CORO2B: variants seen among roughly 807,000 people sequenced by gnomAD.
The protein encoded by CORO2B is coronin-2B.
In CORO2B, 26 loss-of-function variants were observed where a neutral mutation model predicts 58.8. That is an observed-to-expected ratio of 0.44 (90% CI 0.32 to 0.61). The LOEUF is 0.61. Ranked by LOEUF, CORO2B falls within the 20% of genes least tolerant of loss-of-function variation. CORO2B has a pLI of 0.04. For missense variants in CORO2B, 460 were observed against 645.1 expected (o/e 0.71, Z 3.11); for synonymous variants, 242 against 253.8 (o/e 0.95, Z 0.44).
the CORO2B span, among the ~76,000 whole-genome samples, chr15:68,545,443 TG>T: frequency 1.3e-5 from 2 of 152,108 alleles, no homozygotes; most frequent in African/African-American, 4.8e-5. Context: ...TGAATTGAGT[TG>T]TGTGTTGTGT....
intron 8 of CORO2B, among the ~76,000 whole-genome samples, chr15:68,717,951 G>C (rs1020256489): frequency 1.3e-5 from 2 of 152,140 alleles, no homozygotes; most frequent in African/African-American, 2.4e-5. Flanking sequence ...TGTCCTCCTC[G>C]AACCAGCCAA....
chr15:68,679,763 C>T lies in CORO2B; in HGVS notation c.217-15377C>T, dbSNP rs1304177335. 2.6e-5 allele frequency among the ~76,000 whole-genome samples: 4 copies of T among 152,218 alleles called. No homozygotes were observed. The East Asian group carries it at 7.7e-4, about 29-fold the overall frequency. ...GCCCCTGAGGATCAACCAACCTCCA[C>T]AGATGCAGCAGAGAGAAAGCTTGGG... On this transcript the variant is annotated intron_variant, in intron 2 of 11. Transcript: ENST00000261861.
intron 5 of CORO2B, among the ~76,000 whole-genome samples, chr15:68,712,418 A>C (rs1315888452): frequency 6.6e-6 from 1 of 152,204 alleles, no homozygotes; most frequent in Non-Finnish European, 1.5e-5. Flanking sequence ...AAAAGACTCC[A>C]AATCCAAAAC....
At chr15:68,572,136 C>T in the CORO2B span, among the ~76,000 whole-genome samples, 1 of 152,194 alleles carries the variant, frequency 6.6e-6, no homozygotes, top group East Asian at 1.9e-4. Context: ...AGGCCCCACT[C>T]TTGCTCTCCA....
At chr15:68,523,620 A>T in the CORO2B span, among the ~76,000 whole-genome samples, 2 of 152,182 alleles carry the variant, frequency 1.3e-5, no homozygotes, top group Non-Finnish European at 2.9e-5. Context: ...AAAAATGCTA[A>T]CTGTCAGGTT....
the CORO2B span, among the ~76,000 whole-genome samples, chr15:68,572,633 A>C: frequency 1.3e-5 from 2 of 152,176 alleles, no homozygotes; most frequent in Non-Finnish European, 2.9e-5. Flanking sequence ...TTTCTGAATC[A>C]ATCTGCCTGG....
At chr15:68,584,379 G>A (rs1261298311) in intron 1 of CORO2B, among the ~76,000 whole-genome samples, 2 of 152,188 alleles carry the variant, frequency 1.3e-5, no homozygotes, top group African/African-American at 4.8e-5. Context: ...CTTAGAGGAA[G>A]CTGGGAAGGG....
At chr15:68,616,524 G>A in intron 1 of CORO2B, 1 of 985,370 alleles carries the variant, frequency 1.0e-6, no homozygotes, top group South Asian at 4.7e-5. Flanking sequence ...AAAGCAGGCA[G>A]CTGCCCTGGA....
intron 1 of CORO2B, among the ~76,000 whole-genome samples, chr15:68,638,157 T>C (rs982104317): frequency 1.3e-5 from 2 of 152,110 alleles, no homozygotes; most frequent in African/African-American, 4.8e-5. Flanking sequence ...CCAGCAGCTG[T>C]GCACATCTGG....
chr15:68,644,071 C>A (rs549275672), intron 1 of CORO2B, among the ~76,000 whole-genome samples: 19 of 152,158 alleles, frequency 1.2e-4, no homozygotes, highest in East Asian at 3.9e-4. Flanking sequence ...ACAAAAAAAA[C>A]CAACTACAAA....
intron 1 of CORO2B, among the ~76,000 whole-genome samples, chr15:68,599,361 C>T (rs1054337511): frequency 1.3e-5 from 2 of 152,208 alleles, no homozygotes; most frequent in African/African-American, 4.8e-5. Context: ...CGCCACAGAT[C>T]CCATTGGGTG....
chr15:68,537,077 C>T, the CORO2B span, among the ~76,000 whole-genome samples: 1 of 152,236 alleles, frequency 6.6e-6, no homozygotes, highest in East Asian at 1.9e-4. Flanking sequence ...CACTCACACA[C>T]AAGCCTAATC....
At chr15:68,534,685 TG>T in the CORO2B span, among the ~76,000 whole-genome samples, 1 of 148,234 alleles carries the variant, frequency 6.7e-6, no homozygotes, top group Non-Finnish European at 1.5e-5. Context: ...CAATGGGTTA[TG>T]TTACATGAGA....
intron 3 of CORO2B, among the ~76,000 whole-genome samples, chr15:68,707,253 A>C (rs1406451580): frequency 6.6e-6 from 1 of 152,222 alleles, no homozygotes; most frequent in East Asian, 1.9e-4. Context: ...CAGATGGGTA[A>C]AAATCCAGTT....
At chr15:68,701,940 A>G (rs1021998102) in intron 3 of CORO2B, among the ~76,000 whole-genome samples, 12 of 151,908 alleles carry the variant, frequency 7.9e-5, no homozygotes, top group Non-Finnish European at 1.6e-4. Flanking sequence ...TGAGGGCCCA[A>G]GAGTTTAAAT....
the CORO2B span, among the ~76,000 whole-genome samples, chr15:68,541,504 G>C: frequency 6.6e-6 from 1 of 152,022 alleles, no homozygotes. Flanking sequence ...ACAACACAAG[G>C]TGATAATAAG....
the CORO2B span, among the ~76,000 whole-genome samples, chr15:68,544,871 G>A: frequency 1.3e-5 from 2 of 152,104 alleles, no homozygotes; most frequent in Middle Eastern, 3.2e-3. Flanking sequence ...CCGCCTCCGG[G>A]GTTCACGCCA....
chr15:68,643,556 T>C (rs1026849075), intron 1 of CORO2B, among the ~76,000 whole-genome samples: 1 of 152,026 alleles, frequency 6.6e-6, no homozygotes, highest in African/African-American at 2.4e-5. Context: ...AGACTGGCCC[T>C]GTGGGATGGA....
At chr15:68,592,499 A>G (rs190088122) in intron 1 of CORO2B, among the ~76,000 whole-genome samples, 37 of 152,304 alleles carry the variant, frequency 2.4e-4, no homozygotes, top group African/African-American at 8.2e-4. Flanking sequence ...ACATGAATGC[A>G]TACATGTATA....
Sources: gnomAD v4.1 joint callset for allele counts (sites outside exome capture counted in the v4.1 genomes callset) on GRCh38, gnomAD v4.1.1 for gene constraint, MANE v1.5 for transcripts, NCBI Gene and HGNC (gene_info 2026-07-23, HGNC 2026-07-21) for gene names.